AK8: variants seen among roughly 807,000 people sequenced by gnomAD.
AK8 encodes adenylate kinase 8, also known as ATP-AMP transphosphorylase 8.
AK8 carries 44 observed loss-of-function variants against 54.6 expected under a neutral mutation model. That is an observed-to-expected ratio of 0.81 (90% confidence interval 0.63 to 1.04). The LOEUF is 1.04. Among genes scored for constraint, AK8 ranks in the 50% least tolerant of loss-of-function variants. The pLI is 0.00. For synonymous variants in AK8, 239 were observed against 245.6 expected, an observed-to-expected ratio of 0.97 and a Z score of 0.25; for missense variants, 555 against 613.6, an observed-to-expected ratio of 0.90 and a Z score of 1.01.
At chr9:132,836,476 G>A (rs765157669) in intron 5 of AK8, among the ~76,000 whole-genome samples, 6 of 152,206 alleles carry the variant, frequency 3.9e-5, no homozygotes, top group Non-Finnish European at 8.8e-5. Context: ...GCAAATCTCT[G>A]GGAAACAGGA....
upstream of AK8, chr9:132,878,665 G>A (rs1165290607): frequency 2.0e-6 from 2 of 1,002,476 alleles, no homozygotes; most frequent in Non-Finnish European, 2.4e-6. This position sits in a 1 kb window ranked among gnomAD's most constrained non-coding sequence, Gnocchi z 4.7. Flanking sequence ...TAAAACAGAC[G>A]CGGGAATAAA....
chr9:132,749,956 ACCTCGAGATACTGACAGCACACT>A (rs1837827996), intron 11 of AK8, among the ~76,000 whole-genome samples: 1 of 145,038 alleles, frequency 6.9e-6, no homozygotes, highest in Non-Finnish European at 1.5e-5. Flanking sequence ...TGTCTTCCTT[ACCTCGAGATACTGACAGCACACT>A]CCTAGAGATA....
At chr9:132,852,573 G>A (rs549937278) in intron 5 of AK8, among the ~76,000 whole-genome samples, 229 of 150,276 alleles carry the variant, frequency 1.5e-3, no homozygotes, top group African/African-American at 5.3e-3. Context: ...TCGCACCACT[G>A]CACTCCAGCC....
At chr9:132,832,571 C>T (rs1012989403) in intron 5 of AK8, among the ~76,000 whole-genome samples, 3 of 152,192 alleles carry the variant, frequency 2.0e-5, no homozygotes, top group Non-Finnish European at 4.4e-5. Flanking sequence ...GCTGGCAATT[C>T]TGTTTTAGTC....
chr9:132,796,984 G>A (rs1271929527), intron 10 of AK8, among the ~76,000 whole-genome samples: 1 of 152,130 alleles, frequency 6.6e-6, no homozygotes, highest in Non-Finnish European at 1.5e-5. Flanking sequence ...GGATGTCGGA[G>A]GCAGGGAGGG....
chr9:132,852,637 G>T (rs568648662), intron 5 of AK8, among the ~76,000 whole-genome samples: 1 of 151,074 alleles, frequency 6.6e-6, no homozygotes, highest in South Asian at 2.1e-4. Context: ...AGGCACGGTG[G>T]TGTATGCCTG....
intron 6 of AK8, 89 bp from the exon 7 acceptor site, chr9:132,828,173 T>A: frequency 8.2e-7 from 1 of 1,225,294 alleles, no homozygotes; most frequent in South Asian, 1.4e-5. Context: ...TTGCTTTACG[T>A]TTTTTGCTTT....
At chr9:132,825,881 A>C (rs1303913670) in intron 8 of AK8, among the ~76,000 whole-genome samples, 1 of 152,246 alleles carries the variant, frequency 6.6e-6, no homozygotes, top group Non-Finnish European at 1.5e-5. Context: ...TAAACGCTTC[A>C]TTTACCCAAC....
intron 11 of AK8, among the ~76,000 whole-genome samples, chr9:132,789,193 G>GCT (rs1443973195): frequency 3.3e-5 from 5 of 152,112 alleles, no homozygotes; most frequent in Non-Finnish European, 7.4e-5. Flanking sequence ...TACTTGGGAG[G>GCT]CTGAGGCAGG....
chr9:132,818,068 A>G (rs566245357), intron 9 of AK8, among the ~76,000 whole-genome samples: 18 of 152,346 alleles, frequency 1.2e-4, no homozygotes, highest in Admixed American at 6.5e-4. Flanking sequence ...TGACATCTTT[A>G]AAGTGTTAAG....
intron 11 of AK8, among the ~76,000 whole-genome samples, chr9:132,751,004 G>A (rs1239972502): frequency 2.0e-5 from 3 of 151,986 alleles, no homozygotes; most frequent in African/African-American, 4.8e-5. Flanking sequence ...CTTCTTAAGT[G>A]AACCGACCCA....
At chr9:132,878,388 C>T (rs1313559841), upstream of AK8, 23 of 1,243,984 alleles carry the variant, frequency 1.8e-5, no homozygotes, top group East Asian at 3.5e-4. The surrounding 1 kb of genome is among the most constrained non-coding windows in gnomAD (Gnocchi z 4.7). Context: ...CTCGGTCGCG[C>T]GGGTCGCCCC....
Position 132,826,101 on chromosome 9 carries a change from TG to T in AK8, c.757+752del, listed in dbSNP as rs1189908635. 3.3e-5 allele frequency among the ~76,000 whole-genome samples: 5 copies of T among 152,214 alleles called. No individual in the cohort carries two copies. Among genetic ancestry groups the T allele is most frequent in the Admixed American group, 6.5e-5 (1 of 15,276 alleles). ...TTGAGGCTTTTCTCTGTGCCAGAAC[TG>T]GGCTTGTGGCTGTGGACACGTGATT... On this transcript the variant is annotated intron_variant, in intron 8 of 12. Transcript: ENST00000298545. This position sits in a 1 kb window ranked among gnomAD's most constrained non-coding sequence, Gnocchi z 4.5.
At position 132,791,335 on chromosome 9, in the gene AK8, C is replaced by T. The variant is rs776287990; in HGVS notation, c.1121+1299G>A. ...CATGGAGGAAACCGCCCCCATGATCCGATCACCTCTCACCAGGTCCCTCCC... is the reference window on the plus strand; with the variant it reads ...CATGGAGGAAACCGCCCCCATGATCTGATCACCTCTCACCAGGTCCCTCCC... On this transcript the variant is annotated intron_variant, in intron 11 of 12. Coordinates refer to ENST00000298545, the MANE Select transcript of AK8 (RefSeq NM_152572.3). The surrounding 1 kb of genome is among the most constrained non-coding windows in gnomAD (Gnocchi z 4.0). Among the ~76,000 whole-genome samples, 12 of 152,104 alleles carry T rather than the reference C, an allele frequency of 7.9e-5. No homozygotes were observed. Among genetic ancestry groups the T allele is most frequent in the South Asian group, 2.1e-4 (1 of 4,812 alleles).
chr9:132,878,932 C>T, upstream of AK8: 1 of 250,800 alleles, frequency 4.0e-6, no homozygotes, highest in Non-Finnish European at 6.3e-6. This position sits in a 1 kb window ranked among gnomAD's most constrained non-coding sequence, Gnocchi z 4.7. Context: ...GCCTCCCCAC[C>T]CTCCGGGGCA....
intron 11 of AK8, among the ~76,000 whole-genome samples, chr9:132,739,303 G>A (rs548169370): frequency 2.0e-5 from 3 of 151,608 alleles, no homozygotes; most frequent in African/African-American, 7.2e-5. Context: ...TAAGCCAGGT[G>A]TGATGGCAGA....
intron 4 of AK8, among the ~76,000 whole-genome samples, chr9:132,857,710 C>T (rs891476422): frequency 6.6e-6 from 1 of 152,212 alleles, no homozygotes; most frequent in African/African-American, 2.4e-5. Flanking sequence ...CCAACCAGGA[C>T]GCAGGGGGTG....
chr9:132,875,235 C>T, intron 1 of AK8, 36 bp from the exon 2 acceptor site: 1 of 1,611,092 alleles, frequency 6.2e-7, no homozygotes, highest in Non-Finnish European at 8.5e-7. Context: ...GTGGTTAATA[C>T]CTGCAAGGGC....
chr9:132,858,058 C>G (rs1843246569), intron 4 of AK8, among the ~76,000 whole-genome samples: 1 of 152,244 alleles, frequency 6.6e-6, no homozygotes, highest in Admixed American at 6.5e-5. Flanking sequence ...TGAGGCCGCT[C>G]CTGGCCACAG....
Sources: allele counts gnomAD v4.1 joint callset (sites outside exome capture counted in the v4.1 genomes callset), GRCh38; gene constraint gnomAD v4.1.1; non-coding constraint Gnocchi (gnomAD v3.1); transcripts MANE v1.5; gene names NCBI Gene and HGNC (gene_info 2026-07-23, HGNC 2026-07-21).